Variants in RBFOX1 observed in about 807,000 individuals in gnomAD.
The protein encoded by RBFOX1 is RNA binding protein fox-1 homolog 1.
RBFOX1 carries 8 observed loss-of-function variants against 57.7 expected under a neutral mutation model. The ratio of observed to expected loss-of-function variants is 0.14; its 90% CI spans 0.08 to 0.25. The LOEUF (loss-of-function observed/expected upper bound fraction) is 0.25, where lower values mean the gene tolerates loss of function less well. RBFOX1 is among the 10% of genes least tolerant of loss of function. RBFOX1 has a pLI of 1.00. For synonymous variants in RBFOX1, 326 were observed against 222.4 expected (o/e 1.47, Z -4.15); for missense variants, 611 against 548.5 (o/e 1.11, Z -1.14).
chr16:6,464,040 A>ATG (rs2094983072), intron 2 of RBFOX1, among the ~76,000 whole-genome samples: 1 of 152,190 alleles, frequency 6.6e-6, no homozygotes, highest in Non-Finnish European at 1.5e-5. Context: ...TTCCTGATTA[A>ATG]TGTGAATCAA....
intron 3 of RBFOX1, among the ~76,000 whole-genome samples, chr16:6,788,200 A>C (rs111739996): frequency 3.3e-4 from 50 of 152,236 alleles, no homozygotes; most frequent in African/African-American, 1.0e-3. Flanking sequence ...CCAGCCTGCA[A>C]CAAAAGTGAA....
intron 4 of RBFOX1, among the ~76,000 whole-genome samples, chr16:7,453,549 T>G (rs1307896572): frequency 6.6e-6 from 1 of 152,156 alleles, no homozygotes; most frequent in Non-Finnish European, 1.5e-5. Context: ...TCATAGTGTA[T>G]GACAGTAAGC....
chr16:7,507,463 G>C (rs749693617), intron 4 of RBFOX1, among the ~76,000 whole-genome samples: 1 of 152,040 alleles, frequency 6.6e-6, no homozygotes, highest in Non-Finnish European at 1.5e-5. Context: ...ACTATCTGGG[G>C]CAACTTTTGA....
Position 6,266,779 on chromosome 16 carries a change from A to G in RBFOX1, c.-126-50216A>G, listed in dbSNP as rs112966570. Among the ~76,000 whole-genome samples, 240 of 152,048 alleles carry G rather than the reference A, an allele frequency of 1.6e-3. 3 individuals carry two copies. Among genetic ancestry groups the G allele is most frequent in the African/African-American group, 5.2e-3 (215 of 41,506 alleles). On this transcript the variant is annotated intron_variant, in intron 1 of 15. Transcript: ENST00000550418. ...TAACAGAATCCTAGAAGAACCTTAG[A>G]ATGTTAGAATCCTTAAAGTCTGTTG...
intron 3 of RBFOX1, among the ~76,000 whole-genome samples, chr16:6,732,963 C>G (rs1262850278): frequency 1.3e-5 from 2 of 152,176 alleles, no homozygotes; most frequent in Non-Finnish European, 2.9e-5. Context: ...TACTTTTACA[C>G]ATTTATTTGC....
chr16:5,952,232 C>G lies in RBFOX1; in HGVS notation c.351+84897C>G, dbSNP rs972747394. On this transcript the variant is annotated intron_variant, in intron 4 of 19. Coordinates refer to the RBFOX1 transcript ENST00000641259. ...GCAGTGTGACCTCGGCTCACTGCAA[C>G]CTCCACCTCCCGGGTTCAAGCGATT... 2.6e-5 allele frequency among the ~76,000 whole-genome samples: 4 copies of G among 151,710 alleles called. No homozygotes were observed. In the East Asian group the frequency reaches 7.8e-4, roughly 30 times the overall value.
chr16:5,859,167 G>A (rs550606549), intron 3 of RBFOX1, among the ~76,000 whole-genome samples: 69 of 152,178 alleles, frequency 4.5e-4, no homozygotes, highest in Non-Finnish European at 9.0e-4. Context: ...ATCACGCCAC[G>A]GCACTCCAGC....
chr16:7,548,550 C>A (rs868049059), intron 5 of RBFOX1, among the ~76,000 whole-genome samples: 1 of 152,208 alleles, frequency 6.6e-6, no homozygotes, highest in African/African-American at 2.4e-5. Context: ...GGAACTCATC[C>A]TAGTCTAGAG....
intron 4 of RBFOX1, among the ~76,000 whole-genome samples, chr16:7,225,905 A>AATCAATAAATATATATATAT (rs1555600462): frequency 1.8e-4 from 17 of 93,738 alleles, no homozygotes; most frequent in African/African-American, 7.6e-4. Context: ...AAGTATAATA[A>AATCAATAAATATATATATAT]ATATATATAT....
chr16:6,835,046 C>T (rs138329436), intron 3 of RBFOX1, among the ~76,000 whole-genome samples: 2 of 152,070 alleles, frequency 1.3e-5, no homozygotes, highest in Admixed American at 1.3e-4. Context: ...GCGCCCAACA[C>T]CATGCCCCGG....
intron 3 of RBFOX1, among the ~76,000 whole-genome samples, chr16:6,997,723 G>T (rs897587239): frequency 6.6e-6 from 1 of 152,088 alleles, no homozygotes; most frequent in African/African-American, 2.4e-5. Context: ...TATAAATCTT[G>T]TAATGGAACT....
chr16:6,707,581 G>C (rs959132681), intron 3 of RBFOX1, among the ~76,000 whole-genome samples: 3 of 149,022 alleles, frequency 2.0e-5, no homozygotes, highest in Non-Finnish European at 4.4e-5. Context: ...CCCCAAGAAG[G>C]ATTGACAGTC....
chr16:6,924,974 G>A (rs1490126331), intron 3 of RBFOX1, among the ~76,000 whole-genome samples: 1 of 151,430 alleles, frequency 6.6e-6, no homozygotes, highest in Non-Finnish European at 1.5e-5. Context: ...TGCTGAGAAT[G>A]ATGGTTTCCA....
At chr16:6,601,289 T>C (rs2097849737) in intron 2 of RBFOX1, among the ~76,000 whole-genome samples, 1 of 152,188 alleles carries the variant, frequency 6.6e-6, no homozygotes, top group Admixed American at 6.5e-5. Flanking sequence ...GATACGGCTC[T>C]AGTATTTAAG....
intron 12 of RBFOX1, among the ~76,000 whole-genome samples, chr16:7,656,472 G>C (rs1031312131): frequency 1.3e-5 from 2 of 151,698 alleles, no homozygotes; most frequent in African/African-American, 4.8e-5. Flanking sequence ...CTTGTGTTCA[G>C]GGAGAGCAAG....
chr16:5,460,199 G>T (rs1399890383), intron 1 of RBFOX1, among the ~76,000 whole-genome samples: 5 of 152,186 alleles, frequency 3.3e-5, no homozygotes, highest in South Asian at 2.1e-4. Flanking sequence ...GACAAGAGGG[G>T]TCTTGGAACC....
chr16:6,613,810 T>C (rs532836058), intron 2 of RBFOX1, among the ~76,000 whole-genome samples: 2 of 152,276 alleles, frequency 1.3e-5, no homozygotes, highest in South Asian at 4.1e-4. Flanking sequence ...TGGTGGTGTG[T>C]GCCTGTAATC....
chr16:6,347,507 G>A (rs997869801), intron 2 of RBFOX1, among the ~76,000 whole-genome samples: 2 of 152,234 alleles, frequency 1.3e-5, no homozygotes, highest in Admixed American at 6.5e-5. Context: ...CACTATGACA[G>A]TGTAGTGTCA....
intron 4 of RBFOX1, among the ~76,000 whole-genome samples, chr16:5,979,045 G>C (rs1305432618): frequency 6.6e-6 from 1 of 152,222 alleles, no homozygotes; most frequent in Non-Finnish European, 1.5e-5. Flanking sequence ...CATTTTTGCA[G>C]AACCATGGAC....
Sources: allele counts gnomAD v4.1 joint callset (sites outside exome capture counted in the v4.1 genomes callset), GRCh38; gene constraint gnomAD v4.1.1; transcripts MANE v1.5; gene names NCBI Gene and HGNC (gene_info 2026-07-23, HGNC 2026-07-21).